Variants in ARL3 observed in about 807,000 individuals in gnomAD.
ARL3 encodes the protein ADP-ribosylation factor-like protein 3.
In ARL3, 9 loss-of-function variants were observed where a neutral mutation model predicts 26.0. The observed-to-expected ratio is 0.35, with a 90% CI of 0.21 to 0.60. ARL3 has a LOEUF of 0.60. ARL3 is among the 20% of genes least tolerant of loss of function. The pLI is 0.78. For missense variants in ARL3, 158 were observed against 215.7 expected, an observed-to-expected ratio of 0.73 and a Z score of 1.67; for synonymous variants, 71 against 78.4, an observed-to-expected ratio of 0.91 and a Z score of 0.50.
chr10:102,686,222 C>G (rs150441720), intron 4 of ARL3, among the ~76,000 whole-genome samples: 1,844 of 151,808 alleles, frequency 0.012, 35 homozygotes, highest in African/African-American at 0.042. Flanking sequence ...CAGGCATGCA[C>G]CACCACACTC....
At position 102,676,838 on chromosome 10, in the gene ARL3, G is replaced by GT; in HGVS notation, c.*55dup. On this transcript the variant is annotated 3_prime_UTR_variant, in exon 6 of 6. Coordinates refer to ENST00000260746, the MANE Select transcript of ARL3 (RefSeq NM_004311.4). ...TTTGGTCAGAAAGCAGCAAATTAGTGTTTTTCAGGACCGAATTCGGCTCCC... is the reference window on the plus strand; with the variant it reads ...TTTGGTCAGAAAGCAGCAAATTAGTGTTTTTTCAGGACCGAATTCGGCTCCC... The GT allele has an allele frequency of 6.4e-7, 1 of 1,573,548 alleles. No homozygotes were observed.
rs150215420 is a variant in ARL3, at chr10:102,689,825, G to A, written c.315+68C>T. On this transcript the variant is annotated intron_variant, in intron 4 of 5. Coordinates refer to ENST00000260746, the MANE Select transcript of ARL3 (RefSeq NM_004311.4). ...CCTGGGCAACAAGAGCAAAAACTCC[G>A]TCTCAAAAAAAAAAAAGTACATACA... 189 of 1,010,762 alleles carry A rather than the reference G, an allele frequency of 1.9e-4. 2 individuals carry two copies. The East Asian group carries it at 5.3e-3, about 28-fold the overall frequency. 62.6% of individuals were successfully genotyped at this position (1,010,762 alleles called of 1,614,324 possible).
At chr10:102,703,874 G>A (rs1169734493) in intron 2 of ARL3, among the ~76,000 whole-genome samples, 1 of 151,640 alleles carries the variant, frequency 6.6e-6, no homozygotes, top group East Asian at 2.0e-4. Flanking sequence ...AATTGGCCGG[G>A]CAAGGTGGTT....
chr10:102,708,909 T>TATATATATATATATATATATA (rs561344200), intron 1 of ARL3, among the ~76,000 whole-genome samples: 4 of 80,414 alleles, frequency 5.0e-5, no homozygotes, highest in African/African-American at 2.0e-4. Flanking sequence ...TATATATATA[T>TATATATATATATATATATATA]TTTTTTTTTT....
At chr10:102,685,017 G>A (rs1346837848) in intron 5 of ARL3, among the ~76,000 whole-genome samples, 4 of 150,918 alleles carry the variant, frequency 2.7e-5, no homozygotes, top group Admixed American at 6.6e-5. Context: ...GGAGGCTGAC[G>A]CAGGCAGATC....
intron 1 of ARL3, among the ~76,000 whole-genome samples, chr10:102,709,040 G>A (rs1048991548): frequency 1.1e-4 from 17 of 150,900 alleles, no homozygotes; most frequent in Non-Finnish European, 1.2e-4. Context: ...GAGTAGCTGG[G>A]ACTATAGATG....
intron 3 of ARL3, among the ~76,000 whole-genome samples, chr10:102,694,825 TCTC>T (rs1310495536): frequency 3.9e-5 from 6 of 152,138 alleles, no homozygotes; most frequent in Admixed American, 3.9e-4. Flanking sequence ...TTCAAGCGAT[TCTC>T]CTGTCTTAGC....
chr10:102,705,301 C>G (rs758390784), intron 2 of ARL3, 45 bp downstream of exon 2: 2 of 1,509,102 alleles, frequency 1.3e-6, no homozygotes, highest in African/African-American at 2.8e-5. Context: ...TTGCTATTAT[C>G]GTCTTCCTGT....
intron 4 of ARL3, among the ~76,000 whole-genome samples, chr10:102,686,337 G>T (rs2064185425): frequency 6.6e-6 from 1 of 151,630 alleles, no homozygotes; most frequent in South Asian, 2.1e-4. Context: ...CTCCCAAAGT[G>T]CTGGGATTAC....
chr10:102,709,644 C>T (rs2064327683), intron 1 of ARL3, among the ~76,000 whole-genome samples: 1 of 14,890 alleles, frequency 6.7e-5, no homozygotes, highest in South Asian at 3.7e-3. Context: ...AAGACTCTGT[C>T]TCAAAAAAAA....
At chr10:102,691,415 T>A (rs1399389661) in intron 3 of ARL3, among the ~76,000 whole-genome samples, 1 of 152,056 alleles carries the variant, frequency 6.6e-6, no homozygotes. Context: ...GAATGATGAT[T>A]TCCATACAAT....
chr10:102,710,163 A>G lies in ARL3; in HGVS notation c.3+4110T>C, dbSNP rs1783586935. 2.0e-5 allele frequency among the ~76,000 whole-genome samples: 3 copies of G among 152,380 alleles called. No individual in the cohort carries two copies. The South Asian group carries it at 6.2e-4, about 32-fold the overall frequency. ...ACTTCAGATACTTCACCTTTGAGTG[A>G]AATTACAGAGAAATGCAAAGTTCAG... is the stretch of plus-strand genomic sequence containing the variant. On this transcript the variant is annotated intron_variant, in intron 1 of 5. Coordinates refer to ENST00000260746, the MANE Select transcript of ARL3 (RefSeq NM_004311.4).
In ARL3 at chr10:102,690,029, A is replaced by G. The variant is rs1349016501; in HGVS notation, c.265-86T>C. On this transcript the variant is annotated intron_variant, in intron 3 of 5. Coordinates refer to ENST00000260746, the MANE Select transcript of ARL3 (RefSeq NM_004311.4). ...CTGCAAAAGGAGCAGGTGATCCCCA[A>G]TCAGCATATTCCAATTAGCACAACA... The G allele has an allele frequency of 1.0e-5, 8 of 793,996 alleles. No individual in the cohort carries two copies. In the East Asian group the frequency reaches 1.3e-4, roughly 13 times the overall value. 49.2% of individuals were successfully genotyped at this position (793,996 alleles called of 1,614,324 possible). A position where few individuals can be genotyped will look rare whatever the true frequency, so the allele number is the denominator to read the frequency against.
chr10:102,681,121 C>T (rs2064154143), intron 5 of ARL3, among the ~76,000 whole-genome samples: 2 of 151,770 alleles, frequency 1.3e-5, no homozygotes, highest in African/African-American at 4.8e-5. Context: ...GGCGTGGTGG[C>T]TCACGCCTGT....
intron 1 of ARL3, among the ~76,000 whole-genome samples, chr10:102,708,903 TA>T (rs1413151601): frequency 4.4e-5 from 5 of 113,600 alleles, no homozygotes; most frequent in Admixed American, 9.5e-5. Context: ...TATATATATA[TA>T]TATATTTTTT....
chr10:102,714,121 C>T (rs1248794306), intron 1 of ARL3, 152 bp downstream of exon 1: 16 of 1,023,230 alleles, frequency 1.6e-5, no homozygotes, highest in Middle Eastern at 2.5e-4. Flanking sequence ...CGGGTCTCCC[C>T]GCCGACCCCC....
At chr10:102,678,855 G>T (rs1437646332) in intron 5 of ARL3, among the ~76,000 whole-genome samples, 2 of 152,258 alleles carry the variant, frequency 1.3e-5, no homozygotes, top group Admixed American at 6.5e-5. Flanking sequence ...GCAGAGCCCT[G>T]CTGAGGGACA....
intron 5 of ARL3, among the ~76,000 whole-genome samples, chr10:102,685,529 C>G (rs2135997882): frequency 6.6e-6 from 1 of 152,274 alleles, no homozygotes; most frequent in East Asian, 1.9e-4. Context: ...AACCCCAATC[C>G]AATCAATCAT....
At chr10:102,700,443 ATGAACT>A (rs1363276033) in intron 2 of ARL3, among the ~76,000 whole-genome samples, 1 of 149,106 alleles carries the variant, frequency 6.7e-6, no homozygotes, top group African/African-American at 2.5e-5. Flanking sequence ...GGGAACTATG[ATGAACT>A]TGAACTTGAA....
Sources: gnomAD v4.1 joint callset for allele counts (sites outside exome capture counted in the v4.1 genomes callset) on GRCh38, gnomAD v4.1.1 for gene constraint, MANE v1.5 for transcripts, NCBI Gene and HGNC (gene_info 2026-07-23, HGNC 2026-07-21) for gene names.